DYNC2H1: variants seen among roughly 807,000 people sequenced by gnomAD.
DYNC2H1 encodes the protein dynein cytoplasmic 2 heavy chain 1.
DYNC2H1 carries 410 observed loss-of-function variants against 570.0 expected under a neutral mutation model. The ratio of observed to expected loss-of-function variants is 0.72; its 90% CI spans 0.66 to 0.78. DYNC2H1 has a LOEUF of 0.78. Ranked by LOEUF, DYNC2H1 falls within the 30% of genes least tolerant of loss-of-function variation. DYNC2H1 has a pLI of 0.00. For synonymous variants in DYNC2H1, 1,688 were observed against 1,677.6 expected (o/e 1.01, Z -0.15); for missense variants, 4,865 against 5,046.4 (o/e 0.96, Z 1.09).
rs1859160185 is a variant in DYNC2H1, at chr11:103,129,531, A to C, written c.1953+526A>C. ...ACCCCATCTCAACTAAAAATACAAA[A>C]AAATTAGCCAGGCATGGTGGTGGGT... On this transcript the variant is annotated intron_variant, in intron 13 of 88. Transcript: ENST00000375735. This position sits in a 1 kb window ranked among gnomAD's most constrained non-coding sequence, Gnocchi z 4.1. Among the ~76,000 whole-genome samples the C allele has an allele frequency of 6.6e-6, 1 of 152,120 alleles. No homozygotes were observed. Among genetic ancestry groups the C allele is most frequent in the African/African-American group, 2.4e-5 (1 of 41,430 alleles).
At chr11:103,443,892 G>A (rs1944348463) in intron 85 of DYNC2H1, among the ~76,000 whole-genome samples, 1 of 151,746 alleles carries the variant, frequency 6.6e-6, no homozygotes, top group Non-Finnish European at 1.5e-5. Context: ...AGATAGCAAA[G>A]TTGTTATTCC....
At position 103,157,296 on chromosome 11, in the gene DYNC2H1, A is replaced by G. The variant is rs1860880457; in HGVS notation, c.4127+526A>G. Among the ~76,000 whole-genome samples the G allele has an allele frequency of 6.6e-6, 1 of 152,166 alleles. No individual in the cohort carries two copies. The highest frequency in any genetic ancestry group is 2.4e-5 in the African/African-American group (1 of 41,442). ...GGTAATCTTAACCACTGCCAGCATC[A>G]GTTCTCTTTTATATGCTGAGGTCTC... On this transcript the variant is annotated intron_variant, in intron 26 of 88. Transcript: ENST00000375735. The surrounding 1 kb of genome is among the most constrained non-coding windows in gnomAD (Gnocchi z 4.2).
In DYNC2H1 at chr11:103,204,386, G is replaced by A. The variant is rs534702801; in HGVS notation, c.8312-436G>A. ...TAATGTTCTTTGGAATATTTACCTT[G>A]CCTCCTTTGTTTCATGTGGTGAAAT... On this transcript the variant is annotated intron_variant, in intron 51 of 88. Transcript: ENST00000375735. This position sits in a 1 kb window ranked among gnomAD's most constrained non-coding sequence, Gnocchi z 4.1. Among the ~76,000 whole-genome samples, 97 of 152,204 alleles carry A rather than the reference G, an allele frequency of 6.4e-4. No homozygotes were observed. The highest frequency in any genetic ancestry group is 3.4e-3 in the Middle Eastern group (1 of 294).
At chr11:103,242,015 A>G (rs961413590) in intron 63 of DYNC2H1, among the ~76,000 whole-genome samples, 1 of 152,072 alleles carries the variant, frequency 6.6e-6, no homozygotes, top group African/African-American at 2.4e-5. Context: ...TGCCACTGAG[A>G]TAACCTGTAT....
At position 103,313,384 on chromosome 11, in the gene DYNC2H1, A is replaced by G. The variant is rs959664067; in HGVS notation, c.11649+1351A>G. ...CAGTCATATCTGGTACTAATGGTCA[A>G]TTCTTCTTGCCAAATGCTTCTCTCA... On this transcript the variant is annotated intron_variant, in intron 79 of 88. Coordinates refer to ENST00000375735, the MANE Select transcript of DYNC2H1 (RefSeq NM_001377.3). Among the ~76,000 whole-genome samples the G allele has an allele frequency of 2.0e-5, 3 of 152,278 alleles. No homozygotes were observed. In the Middle Eastern group the frequency reaches 0.01, roughly 518 times the overall value.
intron 78 of DYNC2H1, among the ~76,000 whole-genome samples, chr11:103,308,928 T>A: frequency 6.6e-6 from 1 of 152,040 alleles, no homozygotes. Context: ...TTGCAAATAT[T>A]CTCTCCCATT....
rs553879436 is a variant in DYNC2H1, at chr11:103,319,202, T to C, written c.11726-1827T>C. Among the ~76,000 whole-genome samples the C allele has an allele frequency of 1.3e-5, 2 of 152,278 alleles. No homozygotes were observed. Among genetic ancestry groups the C allele is most frequent in the African/African-American group, 4.8e-5 (2 of 41,586 alleles). On this transcript the variant is annotated intron_variant, in intron 80 of 88. Coordinates refer to ENST00000375735, the MANE Select transcript of DYNC2H1 (RefSeq NM_001377.3). This position sits in a 1 kb window ranked among gnomAD's most constrained non-coding sequence, Gnocchi z 4.3. ...GCATTGTAAGACATAGATATATAAATAGGTATCTTACACCATTATGTTTTG... is the reference window on the plus strand; with the variant it reads ...GCATTGTAAGACATAGATATATAAACAGGTATCTTACACCATTATGTTTTG...
intron 71 of DYNC2H1, 71 bp from the exon 72 acceptor site, chr11:103,282,108 G>A: frequency 7.0e-7 from 1 of 1,421,500 alleles, no homozygotes; most frequent in Non-Finnish European, 9.7e-7. Flanking sequence ...CATCTTATAA[G>A]GAAAGTTAGA....
At chr11:103,200,254 T>C in intron 50 of DYNC2H1, 100 bp downstream of exon 50, 1 of 890,792 alleles carries the variant, frequency 1.1e-6, no homozygotes. Flanking sequence ...TGGAGAACTT[T>C]TGGCATAGTT....
At chr11:103,117,270 AT>A (rs914192330) in intron 5 of DYNC2H1, among the ~76,000 whole-genome samples, 6 of 146,850 alleles carry the variant, frequency 4.1e-5, no homozygotes, top group African/African-American at 7.4e-5. Context: ...ATATATATAT[AT>A]TTTTTAATAT....
chr11:103,251,692 C>G (rs1864838167), intron 65 of DYNC2H1, among the ~76,000 whole-genome samples: 1 of 152,116 alleles, frequency 6.6e-6, no homozygotes, highest in Non-Finnish European at 1.5e-5. Flanking sequence ...CCCATCCCCT[C>G]CTTCATTCCC....
chr11:103,123,046 T>G (rs911291201), intron 11 of DYNC2H1, 46 bp downstream of exon 11: 2 of 1,249,776 alleles, frequency 1.6e-6, no homozygotes, highest in Non-Finnish European at 2.0e-6. Context: ...CCATATGTTA[T>G]TAATCCAAAT....
intron 82 of DYNC2H1, among the ~76,000 whole-genome samples, chr11:103,343,132 T>C (rs952152241): frequency 6.6e-6 from 1 of 152,164 alleles, no homozygotes; most frequent in African/African-American, 2.4e-5. Context: ...CTTCTGCTTT[T>C]GCTGTTCTTC....
chr11:103,234,860 G>A (rs952996034), intron 61 of DYNC2H1, among the ~76,000 whole-genome samples: 1 of 151,820 alleles, frequency 6.6e-6, no homozygotes, highest in African/African-American at 2.4e-5. Context: ...CTTATTCCAA[G>A]TCTCCTTTAT....
At chr11:103,454,582 A>G (rs1030499338) in intron 85 of DYNC2H1, among the ~76,000 whole-genome samples, 1 of 152,170 alleles carries the variant, frequency 6.6e-6, no homozygotes, top group Non-Finnish European at 1.5e-5. Context: ...TAATACATGG[A>G]AAGCATATAG....
chr11:103,235,630 A>G, intron 61 of DYNC2H1, 42 bp from the exon 62 acceptor site: 1 of 1,554,560 alleles, frequency 6.4e-7, no homozygotes, highest in Non-Finnish European at 8.7e-7. Context: ...ATGTTAGAAC[A>G]TACTCATATA....
chr11:103,341,036 T>C (rs1002914554), intron 82 of DYNC2H1, among the ~76,000 whole-genome samples: 4 of 152,112 alleles, frequency 2.6e-5, no homozygotes, highest in African/African-American at 9.7e-5. Context: ...TGGTGGAACC[T>C]TTTTTTAAAG....
Position 103,205,066 on chromosome 11 carries a change from T to G in DYNC2H1, c.8454+102T>G. 3.9e-6 allele frequency: 4 copies of G among 1,033,332 alleles called. No individual in the cohort carries two copies. The highest frequency in any genetic ancestry group is 5.5e-6 in the Non-Finnish European group (4 of 727,648). 64.0% of individuals were successfully genotyped at this position (1,033,332 alleles called of 1,614,324 possible). A position where few individuals can be genotyped will look rare whatever the true frequency, so the allele number is the denominator to read the frequency against. On this transcript the variant is annotated intron_variant, in intron 52 of 88. Transcript: ENST00000375735. This position sits in a 1 kb window ranked among gnomAD's most constrained non-coding sequence, Gnocchi z 4.5. ...GTGTTGGTTATAACATCACCTTAAT[T>G]ATGGCACCAAACATCTCTTATGTTT...
At chr11:103,195,203 C>T (rs569590145) in intron 47 of DYNC2H1, among the ~76,000 whole-genome samples, 6 of 152,240 alleles carry the variant, frequency 3.9e-5, no homozygotes, top group Admixed American at 2.0e-4. Flanking sequence ...CATTTTTCAT[C>T]GTAAGGATCT....
Sources: gnomAD v4.1 joint callset for allele counts (sites outside exome capture counted in the v4.1 genomes callset) on GRCh38, gnomAD v4.1.1 for gene constraint, Gnocchi (gnomAD v3.1) non-coding constraint, MANE v1.5 for transcripts, NCBI Gene and HGNC (gene_info 2026-07-23, HGNC 2026-07-21) for gene names.